Variants in TRERF1 observed in about 807,000 individuals in gnomAD.
TRERF1 encodes the protein transcriptional regulating factor 1.
A neutral mutation model predicts 122.9 loss-of-function variants in TRERF1; 27 were observed. The observed-to-expected ratio is 0.22, with a 90% CI of 0.16 to 0.30. The LOEUF is 0.30. TRERF1 is among the 10% of genes least tolerant of loss of function. The pLI is 1.00. For missense variants in TRERF1, 1,248 were observed against 1,560.3 expected (o/e 0.80, Z 3.37); for synonymous variants, 636 against 641.7 (o/e 0.99, Z 0.13).
At chr6:42,236,907 C>T (rs1469346933) in intron 15 of TRERF1, among the ~76,000 whole-genome samples, 3 of 152,166 alleles carry the variant, frequency 2.0e-5, no homozygotes, top group Non-Finnish European at 2.9e-5. Context: ...ATGCAAGATA[C>T]TGGATTTGAC....
intron 2 of TRERF1, among the ~76,000 whole-genome samples, chr6:42,434,668 C>CCACACAGACACACACACACACACA (rs1554218672): frequency 8.7e-6 from 1 of 114,896 alleles, no homozygotes; most frequent in African/African-American, 2.9e-5. Flanking sequence ...ACACCCTCCA[C>CCACACAGACACACACACACACACA]CACACACACA....
In TRERF1 at chr6:42,269,015, G is replaced by T. The variant is rs759499003; in HGVS notation, c.576C>A (p.Pro192=). Residue 192 remains proline (P), a synonymous_variant, in exon 5 of 18, where the codon CCC becomes CCA. Transcript: ENST00000372922. The surrounding 1 kb of genome is among the most constrained non-coding windows in gnomAD (Gnocchi z 4.9). Reference sequence around the variant, plus strand: ...AGCGGGAAGGGATAGCCGGTGCTGGGGGCTCCATGGGCTTCTGAGACAGCA... The same window carrying T: ...AGCGGGAAGGGATAGCCGGTGCTGGTGGCTCCATGGGCTTCTGAGACAGCA... 2 of 1,613,920 alleles carry T rather than the reference G, an allele frequency of 1.2e-6. No individual in the cohort carries two copies. Among genetic ancestry groups the T allele is most frequent in the Non-Finnish European group, 1.7e-6 (2 of 1,179,856 alleles).
chr6:42,247,729 G>A (rs773539237), intron 13 of TRERF1, among the ~76,000 whole-genome samples: 3 of 152,162 alleles, frequency 2.0e-5, no homozygotes, highest in African/African-American at 4.8e-5. Context: ...AAGAAATAAG[G>A]CCTACTTCTA....
At chr6:42,312,451 G>A (rs1445781183) in intron 3 of TRERF1, among the ~76,000 whole-genome samples, 1 of 152,210 alleles carries the variant, frequency 6.6e-6, no homozygotes, top group African/African-American at 2.4e-5. Flanking sequence ...TAGAAGTGGG[G>A]CAGAAGAATC....
rs760434034 is a variant in TRERF1, at chr6:42,268,263, C to T, written c.1328G>A (p.Arg443Gln). The T allele has an allele frequency of 8.0e-6, 12 of 1,500,156 alleles. No individual in the cohort carries two copies. In the Admixed American group the frequency reaches 1.4e-4, roughly 18 times the overall value. 92.9% of individuals were successfully genotyped at this position (1,500,156 alleles called of 1,614,324 possible). Residue 443 changes from arginine to glutamine, a missense_variant, in exon 5 of 18, where the codon CGG becomes CAG. By Grantham distance (43) the Arg-to-Gln change is conservative. Coordinates refer to ENST00000372922, the Ensembl canonical transcript of TRERF1. The surrounding 1 kb of genome is among the most constrained non-coding windows in gnomAD (Gnocchi z 4.4). ...GCGATGGGGGAGGGTGCTGCTGACC[C>T]GGGTCAGATCTGAGCTCGCTGGGTC...
At position 42,355,527 on chromosome 6, in the gene TRERF1, A is replaced by G. The variant is rs192364984; in HGVS notation, c.-371+7470T>C. Among the ~76,000 whole-genome samples, 336 of 152,328 alleles carry G rather than the reference A, an allele frequency of 2.2e-3. 3 individuals are homozygous for G. The highest frequency in any genetic ancestry group is 4.3e-3 in the Non-Finnish European group (291 of 68,028). ...CCTCTGGGGACTTGCCTGTTTTGATATCAGGGCCTTGCTTGCTTGAAAGAA... is the reference window on the plus strand; with the variant it reads ...CCTCTGGGGACTTGCCTGTTTTGATGTCAGGGCCTTGCTTGCTTGAAAGAA... On this transcript the variant is annotated intron_variant, in intron 3 of 17. Transcript: ENST00000372922.
intron 3 of TRERF1, among the ~76,000 whole-genome samples, chr6:42,346,383 T>C (rs1364746398): frequency 6.6e-6 from 1 of 152,224 alleles, no homozygotes; most frequent in East Asian, 1.9e-4. Context: ...TGAAGGCAGA[T>C]GAATTCTAAC....
At chr6:42,270,069 C>G (rs1480345291) in intron 4 of TRERF1, among the ~76,000 whole-genome samples, 2 of 152,100 alleles carry the variant, frequency 1.3e-5, no homozygotes, top group Non-Finnish European at 2.9e-5. Context: ...GCCTGTAGTC[C>G]CAGCTGCTCA....
Position 42,269,653 on chromosome 6 carries a change from C to G in TRERF1, c.-63G>C. 1 of 1,554,546 alleles carries G rather than the reference C, an allele frequency of 6.4e-7. No individual in the cohort carries two copies. The highest frequency in any genetic ancestry group is 8.7e-7 in the Non-Finnish European group (1 of 1,150,364). ...CATAAAAAAGGTAAATAAAACAAAC[C>G]CAAAAGGACTGAAACCCTGAGAAGC... is the stretch of plus-strand genomic sequence containing the variant. On this transcript the variant is annotated 5_prime_UTR_variant, in exon 5 of 18. Coordinates refer to ENST00000372922, the Ensembl canonical transcript of TRERF1. This position sits in a 1 kb window ranked among gnomAD's most constrained non-coding sequence, Gnocchi z 4.9.
intron 16 of TRERF1, 128 bp downstream of exon 16, chr6:42,236,077 A>G: frequency 3.6e-6 from 5 of 1,393,222 alleles, no homozygotes; most frequent in South Asian, 1.7e-5. Context: ...CAATGGCAAC[A>G]TGGAGCACCC....
chr6:42,289,774 G>T (rs1183380203), intron 4 of TRERF1, among the ~76,000 whole-genome samples: 1 of 152,214 alleles, frequency 6.6e-6, no homozygotes, highest in Non-Finnish European at 1.5e-5. Flanking sequence ...CTGACCCCCA[G>T]TGCAGACAAT....
At chr6:42,338,260 C>T (rs1007422842) in intron 3 of TRERF1, among the ~76,000 whole-genome samples, 27 of 152,206 alleles carry the variant, frequency 1.8e-4, no homozygotes, top group Admixed American at 1.2e-3. Flanking sequence ...ATGGCTCAGG[C>T]ACAGGAGAGA....
intron 13 of TRERF1, among the ~76,000 whole-genome samples, chr6:42,248,357 C>T (rs927033725): frequency 1.4e-5 from 2 of 145,928 alleles, no homozygotes; most frequent in African/African-American, 2.5e-5. Flanking sequence ...TTATCTTTTT[C>T]TTTTTTTTTT....
chr6:42,381,341 C>T (rs1022249713), intron 2 of TRERF1, among the ~76,000 whole-genome samples: 5 of 141,278 alleles, frequency 3.5e-5, no homozygotes, highest in Admixed American at 3.3e-4. Context: ...CTGGTTGAAC[C>T]AGCGCCTTGT....
chr6:42,316,190 T>A (rs1047745979), intron 3 of TRERF1, among the ~76,000 whole-genome samples: 8 of 152,296 alleles, frequency 5.3e-5, no homozygotes, highest in African/African-American at 1.9e-4. Context: ...CCAATGACTC[T>A]GGCACGCAGT....
chr6:42,279,900 C>T (rs1781990452), intron 4 of TRERF1, among the ~76,000 whole-genome samples: 1 of 152,164 alleles, frequency 6.6e-6, no homozygotes, highest in Admixed American at 6.5e-5. Context: ...GACAACCACT[C>T]CCCTTTTTTT....
chr6:42,355,794 C>T (rs573643485), intron 3 of TRERF1, among the ~76,000 whole-genome samples: 14 of 152,170 alleles, frequency 9.2e-5, no homozygotes, highest in Non-Finnish European at 1.3e-4. Flanking sequence ...TAATTTATGG[C>T]CATTCTTTCC....
chr6:42,397,584 C>T (rs73733188), intron 2 of TRERF1, among the ~76,000 whole-genome samples: 12,986 of 152,128 alleles, frequency 0.085, 809 homozygotes, highest in African/African-American at 0.17. Context: ...TATTCAGCCA[C>T]CACTCCTCAC....
intron 14 of TRERF1, among the ~76,000 whole-genome samples, chr6:42,243,878 C>A (rs1050073863): frequency 7.4e-6 from 1 of 135,478 alleles, no homozygotes; most frequent in African/African-American, 2.9e-5. Flanking sequence ...CTGCGCCCAG[C>A]CTTTTTTTTT....
Sources: gnomAD v4.1 joint callset for allele counts (sites outside exome capture counted in the v4.1 genomes callset) on GRCh38, gnomAD v4.1.1 for gene constraint, Gnocchi (gnomAD v3.1) non-coding constraint, MANE v1.5 for transcripts, NCBI Gene and HGNC (gene_info 2026-07-23, HGNC 2026-07-21) for gene names.